TENM2: variants seen among roughly 807,000 people sequenced by gnomAD.
TENM2 encodes the protein teneurin-2.
TENM2 carries 52 observed loss-of-function variants against 245.2 expected under a neutral mutation model. The ratio of observed to expected loss-of-function variants is 0.21; its 90% CI spans 0.17 to 0.27. The LOEUF is 0.27. Ranked by LOEUF, TENM2 falls within the 10% of genes least tolerant of loss-of-function variation. The pLI is 1.00. For synonymous variants in TENM2, 1,363 were observed against 1,438.9 expected (o/e 0.95, Z 1.19); for missense variants, 3,046 against 3,666.8 (o/e 0.83, Z 4.37).
chr5:167,034,416 G>A, the TENM2 span, among the ~76,000 whole-genome samples: 3 of 152,058 alleles, frequency 2.0e-5, no homozygotes, highest in Non-Finnish European at 4.4e-5. Flanking sequence ...GGATCACGAG[G>A]TCAGGAGATC....
At chr5:167,904,555 G>C (rs1583323981) in intron 3 of TENM2, among the ~76,000 whole-genome samples, 1 of 152,124 alleles carries the variant, frequency 6.6e-6, no homozygotes. Context: ...GATCGAGCTT[G>C]CATGCTTGTA....
At chr5:167,555,881 A>G (rs896500087) in intron 2 of TENM2, among the ~76,000 whole-genome samples, 3 of 152,186 alleles carry the variant, frequency 2.0e-5, no homozygotes, top group Non-Finnish European at 4.4e-5. Flanking sequence ...AAGGCGACAA[A>G]GAAACTTCAA....
intron 2 of TENM2, among the ~76,000 whole-genome samples, chr5:167,570,543 GAAT>G (rs1013132539): frequency 3.9e-5 from 6 of 152,166 alleles, no homozygotes; most frequent in Non-Finnish European, 5.9e-5. Context: ...GTCGTATGTA[GAAT>G]AATGTCATTC....
At chr5:167,203,875 TGAA>T in the TENM2 span, among the ~76,000 whole-genome samples, 244 of 149,310 alleles carry the variant, frequency 1.6e-3, no homozygotes, top group African/African-American at 4.9e-3. Flanking sequence ...AAAAGAGAGA[TGAA>T]GAAAAAACAG....
intron 2 of TENM2, among the ~76,000 whole-genome samples, chr5:167,733,183 C>T (rs952482923): frequency 7.9e-5 from 12 of 152,262 alleles, no homozygotes; most frequent in African/African-American, 2.4e-4. Flanking sequence ...TACCCCTTCC[C>T]TTCTGTAACA....
chr5:167,095,929 C>T, the TENM2 span, among the ~76,000 whole-genome samples: 1 of 151,994 alleles, frequency 6.6e-6, no homozygotes, highest in Admixed American at 6.6e-5. Flanking sequence ...CGCCACCACA[C>T]CTGGTTAATT....
chr5:167,257,736 T>C, the TENM2 span, among the ~76,000 whole-genome samples: 1 of 152,144 alleles, frequency 6.6e-6, no homozygotes, highest in South Asian at 2.1e-4. Flanking sequence ...TATAGTTAAA[T>C]GGACCAGTGA....
intron 19 of TENM2, among the ~76,000 whole-genome samples, chr5:168,208,874 G>C (rs1441383353): frequency 6.6e-6 from 1 of 152,108 alleles, no homozygotes; most frequent in African/African-American, 2.4e-5. Context: ...GAATATTTAG[G>C]ATGAGAAAGG....
chr5:168,208,191 G>A (rs1410777167), intron 19 of TENM2, among the ~76,000 whole-genome samples: 1 of 152,212 alleles, frequency 6.6e-6, no homozygotes, highest in Non-Finnish European at 1.5e-5. Flanking sequence ...TACGGGATGG[G>A]ACGGTATCTC....
At chr5:168,262,653 G>A (rs748026320) in exon 29 of TENM2, 12 of 1,604,568 alleles carry the variant, frequency 7.5e-6, no homozygotes, top group East Asian at 6.7e-5. Flanking sequence ...GAGGGGAGCC[G>A]CCTGTGGACT....
At chr5:167,820,597 G>T (rs149305586) in intron 2 of TENM2, among the ~76,000 whole-genome samples, 1 of 152,162 alleles carries the variant, frequency 6.6e-6, no homozygotes, top group Non-Finnish European at 1.5e-5. Flanking sequence ...GGATGGCTCC[G>T]GCTAAGATTG....
At chr5:168,152,587 T>C (rs536019397) in intron 12 of TENM2, among the ~76,000 whole-genome samples, 123 of 152,334 alleles carry the variant, frequency 8.1e-4, no homozygotes, top group Non-Finnish European at 1.6e-3. Flanking sequence ...TTTGTCCCTA[T>C]TTCCATACTG....
chr5:167,746,141 C>A (rs1036210261), intron 2 of TENM2, among the ~76,000 whole-genome samples: 2 of 152,104 alleles, frequency 1.3e-5, no homozygotes, highest in Non-Finnish European at 2.9e-5. Context: ...TTTCCAGAGC[C>A]AAAATTCAAC....
At position 168,244,681 on chromosome 5, in the gene TENM2, G is replaced by A. The variant is rs1454437056; in HGVS notation, c.5782G>A (p.Asp1928Asn). 2 of 1,494,102 alleles carry A rather than the reference G, an allele frequency of 1.3e-6. No homozygotes were observed. Among genetic ancestry groups the A allele is most frequent in the Non-Finnish European group, 1.8e-6 (2 of 1,110,662 alleles). 92.6% of individuals were successfully genotyped at this position (1,494,102 alleles called of 1,614,324 possible). A position where few individuals can be genotyped will look rare whatever the true frequency, so the allele number is the denominator to read the frequency against. ...CCGCATCGTGTCCCGCATGTTCGCT[G>A]ACGGGAAAGTGTGGAGCTACTCCTA... Residue 1928 changes from aspartate to asparagine, a missense_variant, in exon 26 of 29, where the codon GAC (aspartate) becomes AAC (asparagine). Around this residue, in one of 2 missense-constraint regions of TENM2, gnomAD observed 2,704 missense variants for 3,331.9 expected, o/e 0.81. Coordinates refer to ENST00000518659, the Ensembl canonical transcript of TENM2. The surrounding 1 kb of genome is among the most constrained non-coding windows in gnomAD (Gnocchi z 4.9).
At chr5:167,804,509 G>A (rs955906040) in intron 2 of TENM2, among the ~76,000 whole-genome samples, 1 of 152,030 alleles carries the variant, frequency 6.6e-6, no homozygotes, top group Non-Finnish European at 1.5e-5. Flanking sequence ...AATAATCTCT[G>A]CTCTTTGTTG....
chr5:167,882,078 C>G (rs1303091760), intron 3 of TENM2, among the ~76,000 whole-genome samples: 1 of 152,174 alleles, frequency 6.6e-6, no homozygotes, highest in African/African-American at 2.4e-5. Context: ...AGAGACTTTT[C>G]TCCTCACTCC....
intron 2 of TENM2, among the ~76,000 whole-genome samples, chr5:167,610,005 A>G (rs1777366408): frequency 6.6e-6 from 1 of 152,146 alleles, no homozygotes; most frequent in African/African-American, 2.4e-5. Context: ...GTTGTGACGT[A>G]CACTTTTGAT....
intron 2 of TENM2, among the ~76,000 whole-genome samples, chr5:167,787,372 G>C (rs542532998): frequency 6.6e-6 from 1 of 152,290 alleles, no homozygotes; most frequent in South Asian, 2.1e-4. Flanking sequence ...AAAGAATTCT[G>C]ACTTAACCTC....
chr5:167,295,565 A>G (rs1754901986), intron 1 of TENM2, among the ~76,000 whole-genome samples: 1 of 152,218 alleles, frequency 6.6e-6, no homozygotes, highest in South Asian at 2.1e-4. Flanking sequence ...CAGGAGTGGC[A>G]CTGCCCCACC....
Sources: allele counts gnomAD v4.1 joint callset (sites outside exome capture counted in the v4.1 genomes callset), GRCh38; gene constraint gnomAD v4.1.1; regional missense constraint gnomAD v4.1.1; non-coding constraint Gnocchi (gnomAD v3.1); transcripts MANE v1.5; gene names NCBI Gene and HGNC (gene_info 2026-07-23, HGNC 2026-07-21).